IFT81: variants seen among roughly 807,000 people sequenced by gnomAD.
IFT81 encodes intraflagellar transport 81, also known as intraflagellar transport protein 81 homolog.
IFT81 carries 72 observed loss-of-function variants against 102.6 expected under a neutral mutation model. The ratio of observed to expected loss-of-function variants is 0.70; its 90% confidence interval spans 0.58 to 0.85. IFT81 has a LOEUF of 0.85. Among genes scored for constraint, IFT81 ranks in the 40% least tolerant of loss-of-function variants. The pLI is 0.00. For synonymous variants in IFT81, 237 were observed against 242.7 expected (o/e 0.98, Z 0.22); for missense variants, 723 against 787.3 (o/e 0.92, Z 0.98).
At chr12:110,132,986 T>G (rs1346043347) in intron 5 of IFT81, among the ~76,000 whole-genome samples, 13 of 151,282 alleles carry the variant, frequency 8.6e-5, no homozygotes, top group Non-Finnish European at 1.5e-4. Flanking sequence ...TTTTTTTTTT[T>G]TTGAGACAGG....
intron 11 of IFT81, among the ~76,000 whole-genome samples, chr12:110,174,291 A>T (rs1029210275): frequency 1.1e-4 from 16 of 148,362 alleles, no homozygotes; most frequent in Admixed American, 2.0e-4. Context: ...AAAAAAAAAA[A>T]AAAAAAAAAA....
At chr12:110,179,771 T>TACACACACACACACACAC (rs1180642058) in intron 11 of IFT81, among the ~76,000 whole-genome samples, 2 of 52,786 alleles carry the variant, frequency 3.8e-5, no homozygotes, top group African/African-American at 1.1e-4. Flanking sequence ...TATATATATA[T>TACACACACACACACACAC]ATACACACAC....
In IFT81 at chr12:110,179,763, TATATATATATACAC is replaced by T. The variant is rs1461097640; in HGVS notation, c.1189-657_1189-644del. Among the ~76,000 whole-genome samples the T allele has an allele frequency of 1.6e-4, 11 of 68,952 alleles. 1 individual carries two copies. The highest frequency in any genetic ancestry group is 7.1e-4 in the African/African-American group (11 of 15,504). The allele number at this position is 68,952 out of a possible 152,430, so 45.2% of individuals were successfully genotyped here. On this transcript the variant is annotated intron_variant, in intron 11 of 18. Coordinates refer to ENST00000242591, the MANE Select transcript of IFT81 (RefSeq NM_014055.4). ...ATATATATATATATATATATATATA[TATATATATATACAC>T]ACACACACACACACACACACACACA...
At chr12:110,193,087 C>T (rs1897865068) in intron 14 of IFT81, among the ~76,000 whole-genome samples, 1 of 152,110 alleles carries the variant, frequency 6.6e-6, no homozygotes, top group South Asian at 2.1e-4. Context: ...TGCTTGAACC[C>T]AGAAGGTCAG....
At chr12:110,146,209 T>G (rs908743032) in intron 9 of IFT81, among the ~76,000 whole-genome samples, 1 of 152,190 alleles carries the variant, frequency 6.6e-6, no homozygotes, top group African/African-American at 2.4e-5. Flanking sequence ...TGGTTTTTGT[T>G]TTGATATGTT....
chr12:110,215,197 G>T (rs113518194), intron 18 of IFT81, among the ~76,000 whole-genome samples: 1 of 151,854 alleles, frequency 6.6e-6, no homozygotes, highest in African/African-American at 2.4e-5. Flanking sequence ...AGATCAACTA[G>T]TATATTGACC....
At position 110,205,616 on chromosome 12, in the gene IFT81, C is replaced by A; in HGVS notation, c.1738C>A (p.Arg580Ser). The A allele has an allele frequency of 1.2e-6, 2 of 1,602,816 alleles. No individual in the cohort carries two copies. The highest frequency in any genetic ancestry group is 1.7e-6 in the Non-Finnish European group (2 of 1,176,824). ...TTAGAACCTAGAAGTTCAACTTCGT[C>A]GTGCTACTGATGAGATGAAGGCATA... is the stretch of plus-strand genomic sequence containing the variant. ...MIKNLEVQLR[R>S]ATDEMKAYIS... Residue 580 changes from arginine to serine, a missense_variant, in exon 17 of 19, where the codon CGT (arginine) becomes AGT (serine). Physicochemically the swap from Arg to Ser is moderately radical, Grantham distance 110 (BLOSUM62 -1). Coordinates refer to ENST00000242591, the MANE Select transcript of IFT81 (RefSeq NM_014055.4).
chr12:110,209,786 A>T (rs1370175428), intron 18 of IFT81, among the ~76,000 whole-genome samples: 1 of 152,042 alleles, frequency 6.6e-6, no homozygotes, highest in East Asian at 1.9e-4. Flanking sequence ...AAAAAAAAAA[A>T]AATTATTCTC....
chr12:110,176,354 C>T (rs536075043), intron 11 of IFT81, among the ~76,000 whole-genome samples: 122 of 152,274 alleles, frequency 8.0e-4, no homozygotes, highest in African/African-American at 2.8e-3. Flanking sequence ...CTGCCTACCT[C>T]TCCAGCTACC....
chr12:110,210,978 C>T (rs1488907431), intron 18 of IFT81, among the ~76,000 whole-genome samples: 1 of 148,560 alleles, frequency 6.7e-6, no homozygotes, highest in Non-Finnish European at 1.5e-5. Flanking sequence ...ACCTCAGCCT[C>T]CTGAATAGCT....
chr12:110,131,805 G>A lies in IFT81; in HGVS notation c.430-742G>A, dbSNP rs949463282. 3.9e-5 allele frequency among the ~76,000 whole-genome samples: 6 copies of A among 152,262 alleles called. No individual in the cohort carries two copies. In the South Asian group the frequency reaches 1.0e-3, roughly 26 times the overall value. On this transcript the variant is annotated intron_variant, in intron 4 of 18. Transcript: ENST00000242591. The stretch of plus-strand genomic sequence containing the variant: ...AAAATTATAATAGTCAGTTATAATT[G>A]TACATGATATCTACTCTGATAGGAT...
chr12:110,178,961 C>T (rs1041853326), intron 11 of IFT81, among the ~76,000 whole-genome samples: 1 of 151,808 alleles, frequency 6.6e-6, no homozygotes, highest in African/African-American at 2.4e-5. Context: ...CTCTTCCAAA[C>T]TCTAGTTGGT....
intron 10 of IFT81, among the ~76,000 whole-genome samples, chr12:110,158,677 C>T (rs1895974926): frequency 6.6e-6 from 1 of 152,172 alleles, no homozygotes; most frequent in Non-Finnish European, 1.5e-5. Context: ...GCAAGCTCCC[C>T]CTCCCAGGTT....
At chr12:110,195,270 C>A (rs533264458) in intron 14 of IFT81, among the ~76,000 whole-genome samples, 2 of 152,148 alleles carry the variant, frequency 1.3e-5, no homozygotes, top group South Asian at 4.2e-4. Flanking sequence ...AGCCTTTTAA[C>A]TCTACTATTC....
At chr12:110,142,738 C>G (rs1174468676) in intron 8 of IFT81, among the ~76,000 whole-genome samples, 1 of 151,438 alleles carries the variant, frequency 6.6e-6, no homozygotes, top group Non-Finnish European at 1.5e-5. Context: ...AAAAAAAATA[C>G]AAAAATTACC....
At chr12:110,132,682 A>C in intron 5 of IFT81, 46 bp downstream of exon 5, 3 of 1,000,992 alleles carry the variant, frequency 3.0e-6, no homozygotes, top group Non-Finnish European at 4.7e-6. Context: ...GATTTGAATA[A>C]TATTGGATTT....
intron 12 of IFT81, among the ~76,000 whole-genome samples, chr12:110,185,739 G>A (rs955813840): frequency 5.3e-5 from 8 of 151,794 alleles, no homozygotes; most frequent in African/African-American, 1.2e-4. Flanking sequence ...GACTACAGGC[G>A]TGCACTACCA....
At chr12:110,142,846 T>G (rs1158328881) in intron 8 of IFT81, among the ~76,000 whole-genome samples, 1 of 152,104 alleles carries the variant, frequency 6.6e-6, no homozygotes, top group Non-Finnish European at 1.5e-5. Flanking sequence ...TAGGTTGCAG[T>G]GAGCTGAGAT....
intron 8 of IFT81, 108 bp from the exon 9 acceptor site, chr12:110,143,274 T>C (rs1895004253): frequency 1.7e-6 from 1 of 603,794 alleles, no homozygotes; most frequent in Admixed American, 4.8e-5. Flanking sequence ...ATTATACAGT[T>C]TGTTTTCAAC....
Sources: allele counts gnomAD v4.1 joint callset (sites outside exome capture counted in the v4.1 genomes callset), GRCh38; gene constraint gnomAD v4.1.1; transcripts MANE v1.5; gene names NCBI Gene and HGNC (gene_info 2026-07-23, HGNC 2026-07-21).